Variants in CACNA1E observed in about 807,000 individuals in gnomAD.
CACNA1E encodes voltage-dependent R-type calcium channel subunit alpha-1E.
In CACNA1E, 40 loss-of-function variants were observed where a neutral mutation model predicts 259.2. That is an observed-to-expected ratio of 0.15 (90% CI 0.12 to 0.20). The LOEUF is 0.20. Ranked by LOEUF, CACNA1E falls within the 10% of genes least tolerant of loss-of-function variation. The pLI is 1.00. For synonymous variants in CACNA1E, 1,104 were observed against 1,138.5 expected, an observed-to-expected ratio of 0.97 and a Z score of 0.61; for missense variants, 1,874 against 3,040.1, an observed-to-expected ratio of 0.62 and a Z score of 9.02.
intron 1 of CACNA1E, among the ~76,000 whole-genome samples, chr1:181,507,324 G>A (rs1208093082): frequency 1.3e-5 from 2 of 152,252 alleles, no homozygotes; most frequent in Non-Finnish European, 2.9e-5. Context: ...GCTGCCTGGA[G>A]CATCTTCCGG....
intron 1 of CACNA1E, among the ~76,000 whole-genome samples, chr1:181,498,127 T>A (rs1226201649): frequency 6.6e-6 from 1 of 152,198 alleles, no homozygotes; most frequent in South Asian, 2.1e-4. Flanking sequence ...TGTTCTGGGG[T>A]ACCCATAGTG....
intron 7 of CACNA1E, among the ~76,000 whole-genome samples, chr1:181,701,539 A>T (rs545305947): frequency 2.6e-4 from 40 of 152,342 alleles, no homozygotes; most frequent in African/African-American, 9.6e-4. Context: ...CTCTGAGTTC[A>T]TGCCTTGATA....
In CACNA1E at chr1:181,805,672, T is replaced by C. The variant is rs932743511; in HGVS notation, c.*6838T>C. The C allele has an allele frequency of 6.6e-6, 1 of 152,230 alleles. No homozygotes were observed. The highest frequency in any genetic ancestry group is 2.4e-5 in the African/African-American group (1 of 41,444). 9.4% of individuals were successfully genotyped at this position (152,230 alleles called of 1,614,324 possible). Reference sequence around the variant, plus strand: ...ATGTTGTTTTGTGAACAAGTCAAAATTTATACAAAGCTACCCTAAGTGCTG... The same window carrying C: ...ATGTTGTTTTGTGAACAAGTCAAAACTTATACAAAGCTACCCTAAGTGCTG... On this transcript the variant is annotated 3_prime_UTR_variant, in exon 48 of 48. Transcript: ENST00000367573.
intron 7 of CACNA1E, among the ~76,000 whole-genome samples, chr1:181,655,458 G>A (rs2102090169): frequency 6.6e-6 from 1 of 152,280 alleles, no homozygotes; most frequent in South Asian, 2.1e-4. Context: ...AAATAGATAA[G>A]TTCTTAAAAC....
At chr1:181,763,267 T>A (rs1333504285) in intron 33 of CACNA1E, 139 bp from the exon 34 acceptor site, 1 of 673,260 alleles carries the variant, frequency 1.5e-6, no homozygotes, top group African/African-American at 1.8e-5. Flanking sequence ...GGCCAGCCCA[T>A]CAGCTGGAAT....
At chr1:181,379,007 C>A (rs1333177816) in intron 1 of CACNA1E, among the ~76,000 whole-genome samples, 1 of 152,020 alleles carries the variant, frequency 6.6e-6, no homozygotes, top group African/African-American at 2.4e-5. Context: ...AAAATACACC[C>A]ATAATGAGGA....
At chr1:181,402,799 G>A (rs1657196948) in intron 1 of CACNA1E, among the ~76,000 whole-genome samples, 1 of 152,094 alleles carries the variant, frequency 6.6e-6, no homozygotes, top group Non-Finnish European at 1.5e-5. Context: ...CTATTTGAGG[G>A]CCCATCTACT....
chr1:181,470,065 G>C (rs1662396003), intron 2 of CACNA1E, among the ~76,000 whole-genome samples: 1 of 151,448 alleles, frequency 6.6e-6, no homozygotes, highest in South Asian at 2.1e-4. Flanking sequence ...GAGAGAGAGA[G>C]AGTGAGAGAG....
chr1:181,643,243 T>C (rs1657962767), intron 6 of CACNA1E, among the ~76,000 whole-genome samples: 1 of 152,212 alleles, frequency 6.6e-6, no homozygotes, highest in South Asian at 2.1e-4. Context: ...CTTAAAGTCT[T>C]TAGAGGATCC....
intron 3 of CACNA1E, among the ~76,000 whole-genome samples, chr1:181,565,352 G>C (rs550508913): frequency 6.6e-6 from 1 of 152,296 alleles, no homozygotes; most frequent in African/African-American, 2.4e-5. Context: ...TAGGGCTCCA[G>C]GTCCACCAGA....
At chr1:181,729,575 T>TC (rs1463887946) in intron 18 of CACNA1E, among the ~76,000 whole-genome samples, 1 of 152,218 alleles carries the variant, frequency 6.6e-6, no homozygotes, top group African/African-American at 2.4e-5. Context: ...AACCTCTATT[T>TC]CCTCATCTTT....
At chr1:181,341,072 C>A (rs531348250) in intron 1 of CACNA1E, among the ~76,000 whole-genome samples, 112 of 152,264 alleles carry the variant, frequency 7.4e-4, no homozygotes, top group African/African-American at 2.7e-3. Context: ...CTCTTACCTT[C>A]CAGTCCAGGT....
chr1:181,560,238 GT>G (rs201074270), intron 3 of CACNA1E, among the ~76,000 whole-genome samples: 1 of 147,730 alleles, frequency 6.8e-6, no homozygotes, highest in Non-Finnish European at 1.5e-5. Context: ...TTTTTTTTAA[GT>G]TTTTTTTTGT....
At chr1:181,463,992 G>A (rs1002027221) in intron 2 of CACNA1E, among the ~76,000 whole-genome samples, 1 of 151,890 alleles carries the variant, frequency 6.6e-6, no homozygotes, top group African/African-American at 2.4e-5. Context: ...AGTGTGAGGT[G>A]GGCTCTAATT....
Position 181,769,005 on chromosome 1 carries a change from G to A in CACNA1E, c.4882-2288G>A, listed in dbSNP as rs140752022. Among the ~76,000 whole-genome samples the A allele has an allele frequency of 2.7e-3, 413 of 152,278 alleles. 4 individuals are homozygous for A. The highest frequency in any genetic ancestry group is 9.2e-3 in the African/African-American group (383 of 41,540). ...AAAAAGGGACCTTTGCAGAAGAATC[G>A]GAAGTTCGAAAGGAGGAGTAACTTG... On this transcript the variant is annotated intron_variant, in intron 35 of 47. Transcript: ENST00000367573.
At chr1:181,329,321 C>G (rs1457164703) in intron 1 of CACNA1E, among the ~76,000 whole-genome samples, 4 of 152,146 alleles carry the variant, frequency 2.6e-5, no homozygotes, top group African/African-American at 9.7e-5. Flanking sequence ...TCTCTGGTCC[C>G]CTTGTGGAGC....
At chr1:181,631,868 C>T (rs2101947320) in intron 6 of CACNA1E, among the ~76,000 whole-genome samples, 1 of 152,300 alleles carries the variant, frequency 6.6e-6, no homozygotes, top group African/African-American at 2.4e-5. Context: ...TCCACATGGG[C>T]ATTCCTAGAT....
At chr1:181,780,922 C>A (rs1316829793) in intron 38 of CACNA1E, among the ~76,000 whole-genome samples, 1 of 152,186 alleles carries the variant, frequency 6.6e-6, no homozygotes, top group Non-Finnish European at 1.5e-5. Flanking sequence ...AACAGCCTGA[C>A]TTCCAGGCCA....
At chr1:181,675,563 G>A (rs776500646) in intron 7 of CACNA1E, among the ~76,000 whole-genome samples, 4 of 152,306 alleles carry the variant, frequency 2.6e-5, no homozygotes, top group Middle Eastern at 3.4e-3. Context: ...GAAAATTCTA[G>A]TTGCCATGAC....
Sources: allele counts gnomAD v4.1 joint callset (sites outside exome capture counted in the v4.1 genomes callset), GRCh38; gene constraint gnomAD v4.1.1; transcripts MANE v1.5; gene names NCBI Gene and HGNC (gene_info 2026-07-23, HGNC 2026-07-21).